HOGA1: variants seen among roughly 807,000 people sequenced by gnomAD.
HOGA1 encodes 4-hydroxy-2-oxoglutarate aldolase 1.
In HOGA1, 30 loss-of-function variants were observed where a neutral mutation model predicts 34.3. The ratio of observed to expected loss-of-function variants is 0.87; its 90% CI spans 0.65 to 1.19. The LOEUF (loss-of-function observed/expected upper bound fraction) is 1.19, where lower values mean the gene tolerates loss of function less well. Ranked by LOEUF, HOGA1 falls within the 50% of genes most tolerant of loss-of-function variation. The pLI, the probability that HOGA1 is intolerant of heterozygous loss-of-function variation, is 0.00. For missense variants in HOGA1, 417 were observed against 436.5 expected, an observed-to-expected ratio of 0.96 and a Z score of 0.40; for synonymous variants, 161 against 174.0, an observed-to-expected ratio of 0.93 and a Z score of 0.59.
chr10:97,606,448 G>C (rs1484515745), intron 6 of HOGA1, among the ~76,000 whole-genome samples: 1 of 152,100 alleles, frequency 6.6e-6, no homozygotes, highest in Non-Finnish European at 1.5e-5. Flanking sequence ...TTAGGTCAAG[G>C]TTTTGTGTTT....
intron 1 of HOGA1, among the ~76,000 whole-genome samples, chr10:97,594,827 A>C (rs371114342): frequency 7.9e-4 from 121 of 152,202 alleles, no homozygotes; most frequent in African/African-American, 2.1e-3. Flanking sequence ...AGATTGAAAA[A>C]TTGTGTCTAA....
rs2041105301 is a variant in HOGA1 at position 97,600,164 on chromosome 10, G to A, written c.700+1G>A. 3 of 1,613,138 alleles carry A rather than the reference G, an allele frequency of 1.9e-6. No individual in the cohort carries two copies. The highest frequency in any genetic ancestry group is 1.1e-5 in the South Asian group (1 of 91,066). ...TTTCTGATGGCCAGCTATGCCTTGG[G>A]TAGGCCGCCCACTGCTCTCAAATTG... On this transcript the variant is annotated splice_donor_variant, in intron 5 of 6. Coordinates refer to ENST00000370646, the MANE Select transcript of HOGA1 (RefSeq NM_138413.4). LOFTEE classifies it high-confidence loss of function.
chr10:97,598,457 G>C (rs1021431406), intron 1 of HOGA1, among the ~76,000 whole-genome samples: 1 of 152,170 alleles, frequency 6.6e-6, no homozygotes, highest in South Asian at 2.1e-4. Context: ...ACTGCAGAAG[G>C]CTATTTAAGC....
At chr10:97,595,418 G>A (rs1315191340) in intron 1 of HOGA1, among the ~76,000 whole-genome samples, 1 of 152,212 alleles carries the variant, frequency 6.6e-6, no homozygotes, top group Non-Finnish European at 1.5e-5. Context: ...TGAGAGGCTG[G>A]GTGTGATGGC....
chr10:97,604,646 C>T (rs142599758), intron 6 of HOGA1, among the ~76,000 whole-genome samples: 1 of 151,990 alleles, frequency 6.6e-6, no homozygotes, highest in African/African-American at 2.4e-5. Context: ...AACCATTCAC[C>T]TGTTGAAGAA....
intron 1 of HOGA1, among the ~76,000 whole-genome samples, chr10:97,586,413 ATCAT>A (rs1405838824): frequency 6.6e-6 from 1 of 152,224 alleles, no homozygotes; most frequent in Non-Finnish European, 1.5e-5. Flanking sequence ...GGACACGTTG[ATCAT>A]TCATAGCTCA....
intron 5 of HOGA1, chr10:97,600,602 G>A (rs551599304): frequency 2.6e-4 from 65 of 254,332 alleles, no homozygotes; most frequent in African/African-American, 1.4e-3. Flanking sequence ...ATCTTCAGTT[G>A]CCTGATCAGA....
chr10:97,609,533 C>T (rs1446908235), intron 6 of HOGA1, among the ~76,000 whole-genome samples: 1 of 152,148 alleles, frequency 6.6e-6, no homozygotes, highest in Non-Finnish European at 1.5e-5. Context: ...CTTTCTGCTG[C>T]CTAGGCTGTA....
At chr10:97,605,144 C>T (rs2041147188) in intron 6 of HOGA1, among the ~76,000 whole-genome samples, 1 of 152,126 alleles carries the variant, frequency 6.6e-6, no homozygotes, top group African/African-American at 2.4e-5. Context: ...TGTGGTGGCT[C>T]ACGCCTGTAA....
chr10:97,591,817 T>TTTTGTGTG (rs150558450), intron 1 of HOGA1, among the ~76,000 whole-genome samples: 1 of 111,056 alleles, frequency 9.0e-6, no homozygotes, highest in Non-Finnish European at 1.8e-5. Context: ...TTCTTTCATT[T>TTTTGTGTG]TGTGTGTGTG....
In HOGA1 at chr10:97,611,567, T is replaced by C. The variant is rs2041196046; in HGVS notation, c.892T>C (p.Tyr298His). The change falls in exon 7 of 7, where the codon TAT becomes CAT. Residue 298 changes from tyrosine (Y) to histidine (H), a missense_variant. By Grantham distance (83) the Tyr-to-His change is moderately conservative. Transcript: ENST00000370646. Reference sequence around the variant, plus strand: ...GAAAATCATGGACTGGTTTGGCTACTATGGAGGCCCCTGCCGCGCCCCCTT... The same window carrying C: ...GAAAATCATGGACTGGTTTGGCTACCATGGAGGCCCCTGCCGCGCCCCCTT... Reference protein sequence around the residue: ...LKKIMDWFGYYGGPCRAPLQE... With the variant: ...LKKIMDWFGYHGGPCRAPLQE... The C allele has an allele frequency of 1.2e-6, 2 of 1,614,238 alleles. No homozygotes were observed. The highest frequency in any genetic ancestry group is 1.7e-6 in the Non-Finnish European group (2 of 1,180,036).
At position 97,598,762 on chromosome 10, in the gene HOGA1, G is replaced by A. The variant is rs2041090070; in HGVS notation, c.212-13G>A. 1.9e-6 allele frequency: 3 copies of A among 1,614,098 alleles called. No homozygotes were observed. The South Asian group carries it at 3.3e-5, about 18-fold the overall frequency. On this transcript the variant is annotated splice_polypyrimidine_tract_variant and intron_variant, in intron 1 of 6. Transcript: ENST00000370646. ...GAGGATGGGAAGGAGTTAGTCAGCT[G>A]TGTCTCTTGCAGGCTTCGTGGTCCA...
Position 97,611,667 on chromosome 10 carries a change from C to T in HOGA1, c.*8C>T. 2 of 1,611,104 alleles carry T rather than the reference C, an allele frequency of 1.2e-6. No homozygotes were observed. Among genetic ancestry groups the T allele is most frequent in the Middle Eastern group, 1.7e-4 (1 of 6,054 alleles). On this transcript the variant is annotated 3_prime_UTR_variant, in exon 7 of 7. Coordinates refer to ENST00000370646, the MANE Select transcript of HOGA1 (RefSeq NM_138413.4). ...AGCAACGGCTGGCTCTGAGGGCAGGCAGGGTCCATGGCTGGCCTGAGCCCA... is the reference window on the plus strand; with the variant it reads ...AGCAACGGCTGGCTCTGAGGGCAGGTAGGGTCCATGGCTGGCCTGAGCCCA...
rs1036069539 is a variant in HOGA1 at position 97,593,369 on chromosome 10, C to T, written c.212-5406C>T. Among the ~76,000 whole-genome samples the T allele has an allele frequency of 2.0e-5, 3 of 151,794 alleles. No individual in the cohort carries two copies. The East Asian group carries it at 5.9e-4, about 30-fold the overall frequency. ...GCAGGCACCTGTAATCTCAGCTACT[C>T]GGGAGGCTGAGACAGAAGAATTGCT... is the stretch of plus-strand genomic sequence containing the variant. On this transcript the variant is annotated intron_variant, in intron 1 of 6. Coordinates refer to ENST00000370646, the MANE Select transcript of HOGA1 (RefSeq NM_138413.4).
At chr10:97,598,734 G>C in intron 1 of HOGA1, 41 bp from the exon 2 acceptor site, 2 of 1,613,706 alleles carry the variant, frequency 1.2e-6, no homozygotes, top group Non-Finnish European at 1.7e-6. Flanking sequence ...TAGTTGTTCG[G>C]TAGAGGATGG....
At chr10:97,589,611 T>TGC in intron 1 of HOGA1, 2 of 403,324 alleles carry the variant, frequency 5.0e-6, no homozygotes, top group East Asian at 4.4e-5. Flanking sequence ...CTGCGGCCTC[T>TGC]CCCCACCCCA....
At chr10:97,601,733 A>G (rs534752828) in intron 5 of HOGA1, 124 bp from the exon 6 acceptor site, 2 of 1,148,040 alleles carry the variant, frequency 1.7e-6, no homozygotes, top group East Asian at 2.4e-5. Context: ...CCTTTGATGT[A>G]GCCAGCCAAG....
rs760814873 is a variant in HOGA1, at chr10:97,591,858, T to TGTGA, written c.212-6916_212-6915insTGAG. Among the ~76,000 whole-genome samples the TGTGA allele has an allele frequency of 6.6e-4, 97 of 147,348 alleles. 1 individual carries two copies. The highest frequency in any genetic ancestry group is 2.3e-3 in the African/African-American group (90 of 39,866). On this transcript the variant is annotated intron_variant, in intron 1 of 6. Transcript: ENST00000370646. ...GTGTGTGTGTGTGTGTGTGTGTGTG[T>TGTGA]GACAGAGTCTCGCTTCATTGCCCAG...
intron 1 of HOGA1, among the ~76,000 whole-genome samples, chr10:97,591,871 C>T (rs2041028013): frequency 7.8e-6 from 1 of 128,082 alleles, no homozygotes; most frequent in South Asian, 2.4e-4. Context: ...CAGAGTCTCG[C>T]TTCATTGCCC....
Sources: gnomAD v4.1 joint callset for allele counts (sites outside exome capture counted in the v4.1 genomes callset) on GRCh38, gnomAD v4.1.1 for gene constraint, MANE v1.5 for transcripts, NCBI Gene and HGNC (gene_info 2026-07-23, HGNC 2026-07-21) for gene names.